Variants in STAU2 observed in about 807,000 individuals in gnomAD.
STAU2 encodes the protein staufen double-stranded RNA binding protein 2.
Under a neutral mutation model 65.9 loss-of-function variants are expected in STAU2, and 20 were observed. The observed-to-expected ratio is 0.30, with a 90% CI of 0.21 to 0.44. The LOEUF (loss-of-function observed/expected upper bound fraction) is 0.44, where lower values mean the gene tolerates loss of function less well. Among genes scored for constraint, STAU2 ranks in the 20% least tolerant of loss-of-function variants. The probability of loss-of-function intolerance (pLI) is 1.00; values close to 1 mark genes in which losing one functional copy is unlikely to be tolerated. For synonymous variants in STAU2, 232 were observed against 233.9 expected (o/e 0.99, Z 0.07); for missense variants, 558 against 683.9 (o/e 0.82, Z 2.05).
At chr8:73,524,989 G>T (rs1015098549) in intron 13 of STAU2, among the ~76,000 whole-genome samples, 1 of 152,092 alleles carries the variant, frequency 6.6e-6, no homozygotes, top group Non-Finnish European at 1.5e-5. Flanking sequence ...GTGAAGTGGG[G>T]ATTTACTTTG....
chr8:73,524,980 T>C (rs952385401), intron 13 of STAU2, among the ~76,000 whole-genome samples: 1 of 152,060 alleles, frequency 6.6e-6, no homozygotes, highest in Non-Finnish European at 1.5e-5. Context: ...CCAGAGGGTG[T>C]GAAGTGGGGA....
intron 12 of STAU2, among the ~76,000 whole-genome samples, chr8:73,561,238 G>C (rs886178212): frequency 6.6e-6 from 1 of 152,118 alleles, no homozygotes; most frequent in Non-Finnish European, 1.5e-5. Context: ...GGGAGTTCAG[G>C]AATTCCCCAG....
chr8:73,650,313 T>C (rs1815764136), intron 6 of STAU2, among the ~76,000 whole-genome samples: 1 of 152,072 alleles, frequency 6.6e-6, no homozygotes, highest in African/African-American at 2.4e-5. Context: ...TGAAATAAAT[T>C]TAATAAACCA....
At chr8:73,602,111 A>AG (rs1811674000) in intron 10 of STAU2, among the ~76,000 whole-genome samples, 2 of 108,278 alleles carry the variant, frequency 1.8e-5, no homozygotes, top group Non-Finnish European at 4.1e-5. Context: ...TAACATCTCC[A>AG]AAAAAAAACC....
At chr8:73,678,625 G>C (rs1818179298) in intron 5 of STAU2, among the ~76,000 whole-genome samples, 1 of 151,884 alleles carries the variant, frequency 6.6e-6, no homozygotes, top group African/African-American at 2.4e-5. Flanking sequence ...TCACTGAAAG[G>C]GACAATGTTT....
intron 3 of STAU2, among the ~76,000 whole-genome samples, chr8:73,710,542 C>T (rs963584908): frequency 4.6e-5 from 7 of 152,000 alleles, no homozygotes; most frequent in East Asian, 1.9e-4. Context: ...AAATCTATCC[C>T]GCTTAAGTCC....
Position 73,461,825 on chromosome 8 carries a change from A to G in STAU2, c.1531-39123T>C, listed in dbSNP as rs1471756529. On this transcript the variant is annotated intron_variant, in intron 13 of 14. Transcript: ENST00000524300. ...GGGATGGAACTGGACAGTCCCCAAG[A>G]ACTCTGCACTTGGGACTCTGCCCAG... Among the ~76,000 whole-genome samples the G allele has an allele frequency of 3.3e-5, 5 of 152,220 alleles. No individual in the cohort carries two copies. In the East Asian group the frequency reaches 9.7e-4, roughly 30 times the overall value.
At chr8:73,472,050 G>GA (rs1820064412) in intron 13 of STAU2, among the ~76,000 whole-genome samples, 1 of 152,284 alleles carries the variant, frequency 6.6e-6, no homozygotes, top group African/African-American at 2.4e-5. Context: ...CCCAGGAGTG[G>GA]AGGTGCAGGA....
intron 13 of STAU2, among the ~76,000 whole-genome samples, chr8:73,427,840 T>C (rs1421336016): frequency 6.6e-6 from 1 of 152,284 alleles, no homozygotes; most frequent in Non-Finnish European, 1.5e-5. Flanking sequence ...GTTACTTTTC[T>C]TCTGAGCCAT....
chr8:73,641,737 T>C (rs924557880), intron 6 of STAU2, among the ~76,000 whole-genome samples: 13 of 152,366 alleles, frequency 8.5e-5, no homozygotes, highest in African/African-American at 3.1e-4. Flanking sequence ...CCACTTTTTG[T>C]GTGTCATACT....
At chr8:73,422,540 C>G in intron 14 of STAU2, 74 bp downstream of exon 14, 1 of 1,178,352 alleles carries the variant, frequency 8.5e-7, no homozygotes, top group African/African-American at 1.6e-5. Flanking sequence ...CTTTTTAAAA[C>G]ATTATTATCT....
intron 3 of STAU2, among the ~76,000 whole-genome samples, chr8:73,712,889 CA>C (rs1235941664): frequency 6.6e-6 from 1 of 152,176 alleles, no homozygotes; most frequent in East Asian, 1.9e-4. Flanking sequence ...CCAGGAGTTC[CA>C]GACTGCAATC....
At chr8:73,527,874 G>T in intron 13 of STAU2, 1 of 253,980 alleles carries the variant, frequency 3.9e-6, no homozygotes, top group Non-Finnish European at 6.2e-6. Context: ...AGGTCCTTTT[G>T]CAAAGGGTCT....
chr8:73,595,526 A>T, intron 10 of STAU2, among the ~76,000 whole-genome samples: 1 of 152,108 alleles, frequency 6.6e-6, no homozygotes, highest in South Asian at 2.1e-4. Context: ...ATTTTATAGA[A>T]TTTTTACTTC....
intron 6 of STAU2, among the ~76,000 whole-genome samples, chr8:73,658,697 G>C (rs561951961): frequency 1.7e-4 from 26 of 151,668 alleles, no homozygotes; most frequent in African/African-American, 6.0e-4. Context: ...GGTGAATCAC[G>C]AGGTCAGGAG....
At chr8:73,564,604 C>T (rs937809542) in intron 12 of STAU2, among the ~76,000 whole-genome samples, 6 of 151,966 alleles carry the variant, frequency 3.9e-5, no homozygotes, top group African/African-American at 1.5e-4. Flanking sequence ...TGACAAGCCC[C>T]CATGACACAG....
chr8:73,745,223 T>C (rs1460184325), intron 1 of STAU2, among the ~76,000 whole-genome samples: 1 of 152,254 alleles, frequency 6.6e-6, no homozygotes, highest in Non-Finnish European at 1.5e-5. Flanking sequence ...TGCAGCAATC[T>C]ACAATTAAAG....
intron 12 of STAU2, among the ~76,000 whole-genome samples, chr8:73,570,494 G>A (rs952939457): frequency 2.6e-5 from 4 of 152,164 alleles, no homozygotes; most frequent in South Asian, 4.1e-4. Context: ...TGAAAGTGAC[G>A]GGAAGAACGG....
intron 13 of STAU2, among the ~76,000 whole-genome samples, chr8:73,470,864 T>G (rs1453028130): frequency 1.3e-5 from 2 of 152,110 alleles, no homozygotes. Context: ...AGTAAGAAAT[T>G]ACTGAAGCAG....
Sources: allele counts gnomAD v4.1 joint callset (sites outside exome capture counted in the v4.1 genomes callset), GRCh38; gene constraint gnomAD v4.1.1; transcripts MANE v1.5; gene names NCBI Gene and HGNC (gene_info 2026-07-23, HGNC 2026-07-21).